Variants in ANKRD12 observed in about 807,000 individuals in gnomAD.
The protein encoded by ANKRD12 is ankyrin repeat domain-containing protein 12.
In ANKRD12, 85 loss-of-function variants were observed where a neutral mutation model predicts 183.4. The ratio of observed to expected loss-of-function variants is 0.46; its 90% CI spans 0.39 to 0.56. The LOEUF (loss-of-function observed/expected upper bound fraction) is 0.56, where lower values mean the gene tolerates loss of function less well. Ranked by LOEUF, ANKRD12 falls within the 20% of genes least tolerant of loss-of-function variation. The pLI, the probability that ANKRD12 is intolerant of heterozygous loss-of-function variation, is 0.00. For synonymous variants in ANKRD12, 914 were observed against 800.2 expected (o/e 1.14, Z -2.40); for missense variants, 2,405 against 2,357.1 (o/e 1.02, Z -0.42).
intron 2 of ANKRD12, among the ~76,000 whole-genome samples, chr18:9,194,001 T>C: frequency 6.6e-6 from 1 of 152,240 alleles, no homozygotes; most frequent in East Asian, 1.9e-4. Context: ...TATGTCATTC[T>C]TTTTCTAAAA....
At chr18:9,234,170 A>G (rs1420728753) in intron 8 of ANKRD12, among the ~76,000 whole-genome samples, 1 of 152,188 alleles carries the variant, frequency 6.6e-6, no homozygotes, top group Non-Finnish European at 1.5e-5. Context: ...CCATGCCACC[A>G]GTAGGGGCAC....
At chr18:9,197,524 T>C (rs961798541) in intron 3 of ANKRD12, among the ~76,000 whole-genome samples, 1 of 152,028 alleles carries the variant, frequency 6.6e-6, no homozygotes, top group Non-Finnish European at 1.5e-5. Context: ...ACTAATAGCC[T>C]GCTTTTGACC....
chr18:9,158,988 C>T (rs1309091079), intron 1 of ANKRD12, among the ~76,000 whole-genome samples: 2 of 152,192 alleles, frequency 1.3e-5, no homozygotes, highest in African/African-American at 4.8e-5. Flanking sequence ...ACCCCTTTCA[C>T]TTTGCACCTG....
chr18:9,203,502 C>T (rs1203487274), intron 3 of ANKRD12, among the ~76,000 whole-genome samples: 2 of 152,110 alleles, frequency 1.3e-5, no homozygotes, highest in Non-Finnish European at 2.9e-5. Flanking sequence ...AAAATGTCTG[C>T]TCTGGCCATA....
At chr18:9,208,534 T>G (rs1276133394) in intron 4 of ANKRD12, 123 bp from the exon 5 acceptor site, 3 of 673,342 alleles carry the variant, frequency 4.5e-6, no homozygotes, top group Non-Finnish European at 6.8e-6. Context: ...TGGCTACTAC[T>G]AGTTCATATA....
chr18:9,237,085 A>G (rs1157041388), intron 8 of ANKRD12, among the ~76,000 whole-genome samples: 2 of 152,230 alleles, frequency 1.3e-5, no homozygotes, highest in Non-Finnish European at 2.9e-5. Flanking sequence ...AAATAGTGGG[A>G]GAATAAACCA....
chr18:9,192,989 T>C (rs2034550532), intron 2 of ANKRD12, among the ~76,000 whole-genome samples: 5 of 152,126 alleles, frequency 3.3e-5, no homozygotes, highest in African/African-American at 9.7e-5. Flanking sequence ...CAGCCTGATT[T>C]ACTGTTTTCT....
At chr18:9,230,372 TTAGTC>T (rs1484845090) in intron 8 of ANKRD12, among the ~76,000 whole-genome samples, 1 of 151,276 alleles carries the variant, frequency 6.6e-6, no homozygotes, top group African/African-American at 2.5e-5. Flanking sequence ...TTCTTCTTAG[TTAGTC>T]TAGTTAGCAG....
Position 9,257,779 on chromosome 18 carries a change from G to A in ANKRD12, c.4512G>A (p.Ser1504=), listed in dbSNP as rs74916798. ...GCCAATCACTTTCAGATGCTGAATC[G>A]ATTTCTAAACATATGTCTTTGTCAT... The part of the protein sequence containing the change: ...FPSQSLSDAE[S]ISKHMSLSYV... Residue 1504 remains serine (S), a synonymous_variant, in exon 9 of 13, where the codon TCG becomes TCA. Coordinates refer to ENST00000262126, the MANE Select transcript of ANKRD12 (RefSeq NM_015208.5). 1.9e-5 allele frequency: 31 copies of A among 1,613,816 alleles called. No individual in the cohort carries two copies. Among genetic ancestry groups the A allele is most frequent in the Non-Finnish European group, 2.5e-5 (30 of 1,179,968 alleles).
intron 2 of ANKRD12, among the ~76,000 whole-genome samples, chr18:9,188,873 C>G (rs1032229423): frequency 1.3e-5 from 2 of 152,190 alleles, no homozygotes; most frequent in Non-Finnish European, 2.9e-5. Context: ...CAACTCCGCC[C>G]CTCCTTGGGC....
intron 9 of ANKRD12, among the ~76,000 whole-genome samples, chr18:9,263,447 G>C (rs2039101876): frequency 6.6e-6 from 1 of 152,102 alleles, no homozygotes. Context: ...AGTGTTTCCT[G>C]CATGTTTATA....
chr18:9,147,830 A>G (rs903151802), intron 1 of ANKRD12, among the ~76,000 whole-genome samples: 9 of 152,230 alleles, frequency 5.9e-5, no homozygotes, highest in African/African-American at 1.4e-4. Flanking sequence ...TCTAAAAGGA[A>G]GTGGTGAATT....
intron 1 of ANKRD12, among the ~76,000 whole-genome samples, chr18:9,150,495 A>C (rs1197273753): frequency 6.6e-6 from 1 of 152,184 alleles, no homozygotes; most frequent in Non-Finnish European, 1.5e-5. Context: ...TAGACCATAA[A>C]AATTCCTTAA....
intron 1 of ANKRD12, among the ~76,000 whole-genome samples, chr18:9,158,789 A>ACTAT (rs1412635253): frequency 1.3e-5 from 2 of 152,114 alleles, no homozygotes; most frequent in African/African-American, 4.8e-5. Context: ...GTCTGCATAA[A>ACTAT]CTATCTGCAG....
At chr18:9,167,549 A>G (rs1440116255) in intron 1 of ANKRD12, among the ~76,000 whole-genome samples, 1 of 152,088 alleles carries the variant, frequency 6.6e-6, no homozygotes, top group Non-Finnish European at 1.5e-5. Flanking sequence ...AATGCTTGTG[A>G]TTTTTGTACA....
chr18:9,204,470 C>G lies in ANKRD12; in HGVS notation c.236-6C>G. The G allele has an allele frequency of 1.3e-6, 2 of 1,593,372 alleles. No individual in the cohort carries two copies. The highest frequency in any genetic ancestry group is 1.7e-6 in the Non-Finnish European group (2 of 1,164,698). On this transcript the variant is annotated splice_polypyrimidine_tract_variant and splice_region_variant and intron_variant, in intron 3 of 12. Coordinates refer to ENST00000262126, the MANE Select transcript of ANKRD12 (RefSeq NM_015208.5). ...TTCTCTTCTCCTGTCTCTTCTCATT[C>G]TGTAGATTCAGATCCAGGACATACA...
intron 1 of ANKRD12, among the ~76,000 whole-genome samples, chr18:9,169,659 T>C (rs2032481696): frequency 6.6e-6 from 1 of 152,232 alleles, no homozygotes; most frequent in Non-Finnish European, 1.5e-5. Flanking sequence ...GTCTTGACTC[T>C]TTATCCAATT....
intron 8 of ANKRD12, among the ~76,000 whole-genome samples, chr18:9,228,673 C>G (rs916257570): frequency 6.6e-6 from 1 of 151,994 alleles, no homozygotes; most frequent in African/African-American, 2.4e-5. Flanking sequence ...GAGTTTTCTT[C>G]ACTGTTGAGG....
chr18:9,258,041 A>G lies in ANKRD12; in HGVS notation c.4774A>G (p.Asn1592Asp). 1.2e-6 allele frequency: 2 copies of G among 1,613,604 alleles called. No homozygotes were observed. The highest frequency in any genetic ancestry group is 1.7e-6 in the Non-Finnish European group (2 of 1,179,958). Residue 1592 changes from asparagine to aspartate, a missense_variant, in exon 9 of 13, where the codon AAT becomes GAT. Around this residue, in one of 7 missense-constraint regions of ANKRD12, gnomAD observed 1,983 missense variants for 1,725.9 expected, o/e 1.15. Coordinates refer to ENST00000262126, the MANE Select transcript of ANKRD12 (RefSeq NM_015208.5). ...TGTGTTACCATCAGAAAAGGACTTT[A>G]ATGGAAGTGATGCCTCTACCCAGCT... ...LPVLPSEKDF[N>D]GSDASTQLNT... is the part of the protein sequence containing the mutation.
Sources: gnomAD v4.1 joint callset for allele counts (sites outside exome capture counted in the v4.1 genomes callset) on GRCh38, gnomAD v4.1.1 for gene constraint, gnomAD v4.1.1 regional missense constraint, MANE v1.5 for transcripts, NCBI Gene and HGNC (gene_info 2026-07-23, HGNC 2026-07-21) for gene names.